The following THADA variants were observed in gnomAD, a reference collection of about 807,000 sequenced individuals.
THADA encodes the protein THADA armadillo repeat containing, also known as tRNA (32-2'-O)-methyltransferase regulator THADA.
In THADA, 213 loss-of-function variants were observed where a neutral mutation model predicts 219.8. That is an observed-to-expected ratio of 0.97 (90% CI 0.87 to 1.09). The LOEUF (loss-of-function observed/expected upper bound fraction) is 1.09, where lower values mean the gene tolerates loss of function less well. Ranked by LOEUF, THADA falls within the 50% of genes least tolerant of loss-of-function variation. THADA has a pLI of 0.00. For missense variants in THADA, 2,956 were observed against 2,311.3 expected, an observed-to-expected ratio of 1.28 and a Z score of -5.72; for synonymous variants, 1,018 against 828.9, an observed-to-expected ratio of 1.23 and a Z score of -3.92.
intron 21 of THADA, among the ~76,000 whole-genome samples, chr2:43,530,291 G>T (rs1333141433): frequency 1.3e-5 from 2 of 152,190 alleles, no homozygotes; most frequent in Non-Finnish European, 2.9e-5. Context: ...AAGAGCCACA[G>T]TCAGGTAAGC....
At chr2:43,512,044 C>G (rs1481369171) in intron 22 of THADA, among the ~76,000 whole-genome samples, 1 of 152,156 alleles carries the variant, frequency 6.6e-6, no homozygotes, top group African/African-American at 2.4e-5. Context: ...GTATTGCATA[C>G]TAAGAACCAA....
chr2:43,395,404 C>G (rs1282650759), intron 29 of THADA, among the ~76,000 whole-genome samples: 2 of 152,110 alleles, frequency 1.3e-5, no homozygotes, highest in Non-Finnish European at 2.9e-5. Flanking sequence ...TCTTTAAGAC[C>G]AAGACAATAA....
At chr2:43,485,134 G>C in intron 26 of THADA, 100 bp downstream of exon 26, 1 of 844,490 alleles carries the variant, frequency 1.2e-6, no homozygotes. Flanking sequence ...TTATGCTCTA[G>C]ATGAATCTAT....
At chr2:43,460,219 G>A (rs1233600376) in intron 26 of THADA, among the ~76,000 whole-genome samples, 1 of 78,262 alleles carries the variant, frequency 1.3e-5, no homozygotes. Flanking sequence ...AAGGATCTTA[G>A]AAACAAGCTT....
At chr2:43,471,911 T>C (rs1438116262) in intron 26 of THADA, among the ~76,000 whole-genome samples, 1 of 152,230 alleles carries the variant, frequency 6.6e-6, no homozygotes, top group African/African-American at 2.4e-5. Flanking sequence ...TGGCATACAG[T>C]TGATCCTTAA....
At chr2:43,462,342 T>C (rs1436537804) in intron 26 of THADA, among the ~76,000 whole-genome samples, 6 of 152,166 alleles carry the variant, frequency 3.9e-5, no homozygotes, top group Admixed American at 2.6e-4. Flanking sequence ...ATTTGAAAAG[T>C]ATAAAGAGAA....
intron 29 of THADA, among the ~76,000 whole-genome samples, chr2:43,392,280 T>C (rs1308568350): frequency 6.6e-6 from 1 of 152,246 alleles, no homozygotes; most frequent in Non-Finnish European, 1.5e-5. Context: ...TTCTTTTATA[T>C]TTAATCACAA....
intron 29 of THADA, among the ~76,000 whole-genome samples, chr2:43,393,031 AG>A (rs1378266150): frequency 6.6e-6 from 1 of 152,214 alleles, no homozygotes; most frequent in African/African-American, 2.4e-5. Context: ...GGATGACAGA[AG>A]GTGGGGCAAC....
intron 22 of THADA, among the ~76,000 whole-genome samples, chr2:43,518,954 C>T (rs1163506154): frequency 6.6e-6 from 1 of 152,026 alleles, no homozygotes; most frequent in Non-Finnish European, 1.5e-5. Flanking sequence ...GTCTGCTATC[C>T]CGCTAGGCAG....
intron 26 of THADA, among the ~76,000 whole-genome samples, chr2:43,434,282 T>C (rs908369232): frequency 1.3e-5 from 2 of 152,130 alleles, no homozygotes; most frequent in Admixed American, 1.3e-4. Flanking sequence ...AAAATTACAA[T>C]TGGATCCCAA....
intron 36 of THADA, among the ~76,000 whole-genome samples, chr2:43,250,365 G>C (rs1196085819): frequency 6.6e-6 from 1 of 152,214 alleles, no homozygotes; most frequent in Non-Finnish European, 1.5e-5. Context: ...CACGGAGACA[G>C]AAAGCAGACT....
chr2:43,442,281 T>C (rs1488836022), intron 26 of THADA, among the ~76,000 whole-genome samples: 1 of 151,828 alleles, frequency 6.6e-6, no homozygotes, highest in Non-Finnish European at 1.5e-5. Context: ...ACTAAAAATA[T>C]AAAATTTAGC....
At chr2:43,339,973 GT>G (rs1666898720) in intron 30 of THADA, among the ~76,000 whole-genome samples, 1 of 151,690 alleles carries the variant, frequency 6.6e-6, no homozygotes, top group South Asian at 2.1e-4. Context: ...AAAAAAAAAA[GT>G]TTTTGTAATT....
intron 30 of THADA, among the ~76,000 whole-genome samples, chr2:43,322,767 G>A (rs926235735): frequency 4.2e-5 from 5 of 119,528 alleles, no homozygotes; most frequent in Non-Finnish European, 8.1e-5. Context: ...CTCACTGCAA[G>A]CCCCACCTGC....
chr2:43,515,193 TATATATAATATATA>T (rs1558891842), intron 22 of THADA, among the ~76,000 whole-genome samples: 6 of 11,784 alleles, frequency 5.1e-4, no homozygotes, highest in Non-Finnish European at 8.3e-4. Context: ...TATAATATAT[TATATATAATATATA>T]ATATATAATA....
intron 26 of THADA, among the ~76,000 whole-genome samples, chr2:43,431,035 A>G (rs1679198018): frequency 1.3e-5 from 2 of 152,220 alleles, no homozygotes; most frequent in South Asian, 2.1e-4. Flanking sequence ...CGAAAGTAGA[A>G]TAGTTCCTCA....
At chr2:43,343,519 G>A (rs936486151) in intron 30 of THADA, 4 of 152,280 alleles carry the variant, frequency 2.6e-5, no homozygotes, top group African/African-American at 9.7e-5. Context: ...GCATTACAGA[G>A]AGGACTCCCT....
chr2:43,571,371 C>T (rs1227154250), intron 13 of THADA, among the ~76,000 whole-genome samples: 1 of 151,736 alleles, frequency 6.6e-6, no homozygotes, highest in Non-Finnish European at 1.5e-5. Flanking sequence ...CTGCTTCAGC[C>T]TCCCAAATAG....
chr2:43,470,971 G>A (rs1465110102), intron 26 of THADA, among the ~76,000 whole-genome samples: 1 of 152,182 alleles, frequency 6.6e-6, no homozygotes, highest in African/African-American at 2.4e-5. Context: ...GGGAGGACCT[G>A]AGGGACAAAA....
Sources: gnomAD v4.1 joint callset for allele counts (sites outside exome capture counted in the v4.1 genomes callset) on GRCh38, gnomAD v4.1.1 for gene constraint, MANE v1.5 for transcripts, NCBI Gene and HGNC (gene_info 2026-07-23, HGNC 2026-07-21) for gene names.